BMPR1B: variants seen among roughly 807,000 people sequenced by gnomAD.
The protein encoded by BMPR1B is bone morphogenetic protein receptor type 1B.
A neutral mutation model predicts 59.1 loss-of-function variants in BMPR1B; 12 were observed. The ratio of observed to expected loss-of-function variants is 0.20; its 90% CI spans 0.13 to 0.33. The LOEUF (loss-of-function observed/expected upper bound fraction) is 0.33. BMPR1B is among the 10% of genes least tolerant of loss of function. The pLI, the probability that BMPR1B is intolerant of heterozygous loss-of-function variation, is 1.00. For missense variants in BMPR1B, 550 were observed against 610.9 expected (o/e 0.90, Z 1.05); for synonymous variants, 237 against 207.3 (o/e 1.14, Z -1.23).
intron 3 of BMPR1B, among the ~76,000 whole-genome samples, chr4:95,090,494 A>G (rs1048645447): frequency 2.0e-5 from 3 of 152,080 alleles, no homozygotes; most frequent in African/African-American, 4.8e-5. Context: ...TATCTATAGT[A>G]TAAAAGGAAA....
chr4:95,131,063 A>G (rs1205579163), intron 9 of BMPR1B, 152 bp from the exon 10 acceptor site: 4 of 786,112 alleles, frequency 5.1e-6, no homozygotes, highest in Admixed American at 2.3e-5. Context: ...TCTTATTGGT[A>G]TTAGTCATTT....
chr4:94,957,821 A>T (rs1311400642), intron 2 of BMPR1B, among the ~76,000 whole-genome samples: 1 of 152,152 alleles, frequency 6.6e-6, no homozygotes, highest in African/African-American at 2.4e-5. Flanking sequence ...TAAAAAATAC[A>T]GGTTTTTGCA....
intron 1 of BMPR1B, among the ~76,000 whole-genome samples, chr4:94,842,913 G>GTGTGTGTA (rs1553911696): frequency 1.3e-5 from 2 of 151,578 alleles, no homozygotes; most frequent in East Asian, 1.9e-4. Context: ...TACACACTGT[G>GTGTGTGTA]TGTATGCATG....
At chr4:95,010,522 C>G (rs1723145814) in intron 3 of BMPR1B, among the ~76,000 whole-genome samples, 1 of 152,122 alleles carries the variant, frequency 6.6e-6, no homozygotes, top group Admixed American at 6.6e-5. Context: ...TGTCCCACTT[C>G]ATTAAAAGAG....
At chr4:95,078,554 A>G (rs1351018616) in intron 3 of BMPR1B, among the ~76,000 whole-genome samples, 1 of 152,180 alleles carries the variant, frequency 6.6e-6, no homozygotes, top group East Asian at 1.9e-4. Flanking sequence ...GTTGAAGTCT[A>G]GAGAAACTAA....
chr4:94,824,955 T>G (rs566043406), intron 1 of BMPR1B, among the ~76,000 whole-genome samples: 6 of 152,322 alleles, frequency 3.9e-5, no homozygotes, highest in Admixed American at 3.3e-4. Flanking sequence ...GTGCATTAGG[T>G]AGAACAATGT....
intron 3 of BMPR1B, among the ~76,000 whole-genome samples, chr4:95,048,960 A>G (rs1726236800): frequency 6.6e-6 from 1 of 152,176 alleles, no homozygotes; most frequent in Admixed American, 6.5e-5. Flanking sequence ...TAACAGGGAT[A>G]CGTCTTGATT....
chr4:94,821,847 C>G (rs973387265), intron 1 of BMPR1B, among the ~76,000 whole-genome samples: 3 of 152,176 alleles, frequency 2.0e-5, no homozygotes, highest in Non-Finnish European at 4.4e-5. Flanking sequence ...TCTTGTGTGT[C>G]TATTCACCTC....
chr4:94,836,111 AG>A (rs1409673458), intron 1 of BMPR1B, among the ~76,000 whole-genome samples: 1 of 148,478 alleles, frequency 6.7e-6, no homozygotes, highest in Non-Finnish European at 1.5e-5. Context: ...ATGGCTGCAT[AG>A]TATTCCATGG....
intron 2 of BMPR1B, among the ~76,000 whole-genome samples, chr4:94,995,321 T>C (rs1721990960): frequency 6.6e-6 from 1 of 152,208 alleles, no homozygotes; most frequent in Non-Finnish European, 1.5e-5. Flanking sequence ...AAATATATGA[T>C]GTATCTGATT....
chr4:94,792,026 T>C (rs1299979323), intron 1 of BMPR1B, among the ~76,000 whole-genome samples: 1 of 152,204 alleles, frequency 6.6e-6, no homozygotes, highest in East Asian at 1.9e-4. Flanking sequence ...GTATAAATGC[T>C]TAAGACACTA....
At chr4:95,126,631 T>G (rs1418073053) in intron 8 of BMPR1B, among the ~76,000 whole-genome samples, 2 of 152,122 alleles carry the variant, frequency 1.3e-5, no homozygotes, top group Non-Finnish European at 2.9e-5. Flanking sequence ...CTCTTAACAT[T>G]AGTGAGATGT....
chr4:95,141,597 G>C (rs1283110662), intron 10 of BMPR1B, among the ~76,000 whole-genome samples: 1 of 152,140 alleles, frequency 6.6e-6, no homozygotes, highest in Non-Finnish European at 1.5e-5. Flanking sequence ...ATTTAATCCA[G>C]GTGATGTGCT....
At chr4:94,806,268 G>A (rs6817189) in intron 1 of BMPR1B, among the ~76,000 whole-genome samples, 94,932 of 151,968 alleles carry the variant, frequency 0.62, 30,323 homozygotes, top group East Asian at 0.77. Context: ...TAAGTTTTCT[G>A]CATGTCAGGC....
intron 4 of BMPR1B, among the ~76,000 whole-genome samples, chr4:95,105,893 G>C (rs1004925114): frequency 2.0e-5 from 3 of 152,024 alleles, no homozygotes; most frequent in African/African-American, 7.2e-5. Flanking sequence ...ACAAAGTAGC[G>C]TGGGGTATTT....
At chr4:94,857,858 C>CA (rs1406948942) in intron 1 of BMPR1B, among the ~76,000 whole-genome samples, 1 of 152,146 alleles carries the variant, frequency 6.6e-6, no homozygotes, top group East Asian at 1.9e-4. Context: ...GTTTAGAAAA[C>CA]AATGTGTTAA....
intron 6 of BMPR1B, among the ~76,000 whole-genome samples, chr4:95,122,472 A>G (rs1007387444): frequency 6.6e-6 from 1 of 152,202 alleles, no homozygotes; most frequent in African/African-American, 2.4e-5. Context: ...TTATGTATGT[A>G]TTAAAATATT....
intron 1 of BMPR1B, among the ~76,000 whole-genome samples, chr4:94,862,252 C>T (rs72887844): frequency 0.069 from 10,393 of 151,706 alleles, 896 homozygotes; most frequent in African/African-American, 0.21. Context: ...CAGGTTAAAG[C>T]GATTCTCCTG....
intron 4 of BMPR1B, among the ~76,000 whole-genome samples, chr4:95,109,872 C>A (rs1323896344): frequency 1.2e-4 from 16 of 129,576 alleles, no homozygotes; most frequent in South Asian, 3.2e-4. Context: ...CCCCCCACCC[C>A]ACAACAGTCC....
Sources: allele counts gnomAD v4.1 joint callset (sites outside exome capture counted in the v4.1 genomes callset), GRCh38; gene constraint gnomAD v4.1.1; transcripts MANE v1.5; gene names NCBI Gene and HGNC (gene_info 2026-07-23, HGNC 2026-07-21).